Variants in CR1 observed in about 807,000 individuals in gnomAD.
CR1 encodes the protein complement receptor type 1.
Under a neutral mutation model 187.3 loss-of-function variants are expected in CR1, and 116 were observed. That is an observed-to-expected ratio of 0.62 (90% confidence interval 0.53 to 0.72). The LOEUF is 0.72. Among genes scored for constraint, CR1 ranks in the 30% least tolerant of loss-of-function variants. The pLI is 0.00. For synonymous variants in CR1, 576 were observed against 747.1 expected (o/e 0.77, Z 3.73); for missense variants, 1,731 against 2,110.7 (o/e 0.82, Z 3.52).
At chr1:207,507,197 C>T in intron 3 of CR1, 2 of 168,218 alleles carry the variant, frequency 1.2e-5, no homozygotes, top group Non-Finnish European at 2.5e-5. Flanking sequence ...AAGTAGTTTG[C>T]TAGGGCTGCT....
chr1:207,590,930 C>G (rs191405506), intron 35 of CR1, among the ~76,000 whole-genome samples: 1 of 152,182 alleles, frequency 6.6e-6, no homozygotes, highest in African/African-American at 2.4e-5. Flanking sequence ...GCACCCAATA[C>G]AGGAGCACCC....
intron 23 of CR1, 53 bp downstream of exon 23, chr1:207,564,287 A>G: frequency 6.3e-7 from 1 of 1,594,866 alleles, no homozygotes. Flanking sequence ...GTTGGGAATC[A>G]GTCTAAAAAG....
In CR1 at chr1:207,609,742, G is replaced by A. The variant is rs1000527305; in HGVS notation, c.6295+54G>A. 5 of 1,471,254 alleles carry A rather than the reference G, an allele frequency of 3.4e-6. No individual in the cohort carries two copies. In the African/African-American group the frequency reaches 5.7e-5, roughly 17 times the overall value. 91.1% of individuals were successfully genotyped at this position (1,471,254 alleles called of 1,614,324 possible). ...GGTGTGAGGGTACGTATAGATGATA[G>A]GAGTTGTTGAAATTAAGGAAGAAGT... On this transcript the variant is annotated intron_variant, in intron 37 of 46. Transcript: ENST00000367049.
chr1:207,631,413 C>G (rs1662642674), intron 46 of CR1, among the ~76,000 whole-genome samples: 2 of 152,176 alleles, frequency 1.3e-5, no homozygotes, highest in Admixed American at 1.3e-4. Flanking sequence ...TATACTACAA[C>G]AGCAGAGCTG....
chr1:207,518,610 G>A (rs1659876475), intron 4 of CR1, among the ~76,000 whole-genome samples: 1 of 152,180 alleles, frequency 6.6e-6, no homozygotes, highest in Non-Finnish European at 1.5e-5. Context: ...GCTGTTCTGT[G>A]CCTCTCTCCA....
chr1:207,578,868 A>G, intron 29 of CR1, among the ~76,000 whole-genome samples: 1 of 152,166 alleles, frequency 6.6e-6, no homozygotes, highest in East Asian at 1.9e-4. Context: ...ATTTTATTTT[A>G]TTTAAAAACT....
chr1:207,574,444 A>G (rs1355299868), intron 27 of CR1, among the ~76,000 whole-genome samples: 1 of 152,230 alleles, frequency 6.6e-6, no homozygotes, highest in South Asian at 2.1e-4. Context: ...TAAGAAAGAC[A>G]CAAAAATTGT....
At chr1:207,597,363 A>G (rs1661478874) in intron 35 of CR1, among the ~76,000 whole-genome samples, 1 of 152,210 alleles carries the variant, frequency 6.6e-6, no homozygotes. Context: ...AGAATAAAAT[A>G]CTTAGGAATC....
chr1:207,612,591 C>T (rs1245058901), intron 39 of CR1, among the ~76,000 whole-genome samples: 1 of 152,252 alleles, frequency 6.6e-6, no homozygotes, highest in Non-Finnish European at 1.5e-5. Flanking sequence ...AGCAATGCCC[C>T]TGCCCAGGCC....
At chr1:207,621,927 T>C (rs958626736) in intron 43 of CR1, 46 bp from the exon 44 acceptor site, 3 of 1,527,406 alleles carry the variant, frequency 2.0e-6, no homozygotes, top group South Asian at 1.2e-5. Context: ...TGTTCAATCA[T>C]GTTGCATGCC....
Position 207,609,615 on chromosome 1 carries a change from C to T in CR1, c.6222C>T (p.Val2074=), listed in dbSNP as rs1661856859. The T allele has an allele frequency of 6.2e-7, 1 of 1,611,646 alleles. No individual in the cohort carries two copies. The highest frequency in any genetic ancestry group is 8.5e-7 in the Non-Finnish European group (1 of 1,178,880). ...IIRFRCQPGF[V]MVGSHTVQCQ... ...GATTTAGATGTCAGCCCGGGTTTGT[C>T]ATGGTAGGGTCCCACACTGTGCAGT... is the stretch of plus-strand genomic sequence containing the variant. The change falls in exon 37 of 47, where the codon GTC becomes GTT. Residue 2074 remains valine (V), a synonymous_variant. Coordinates refer to ENST00000367049, the MANE Select transcript of CR1 (RefSeq NM_000651.6).
chr1:207,567,399 A>G (rs1660534955), intron 24 of CR1, among the ~76,000 whole-genome samples: 2 of 150,254 alleles, frequency 1.3e-5, no homozygotes, highest in South Asian at 4.2e-4. Flanking sequence ...TGATTAGCAC[A>G]CATATATACA....
chr1:207,517,232 T>A (rs1018410727), intron 4 of CR1, among the ~76,000 whole-genome samples: 4 of 152,136 alleles, frequency 2.6e-5, no homozygotes, highest in African/African-American at 9.6e-5. Flanking sequence ...AATAAACCTA[T>A]GTTGCTTGTG....
intron 5 of CR1, among the ~76,000 whole-genome samples, chr1:207,525,907 G>A (rs908657915): frequency 6.6e-6 from 1 of 152,018 alleles, no homozygotes; most frequent in Non-Finnish European, 1.5e-5. Flanking sequence ...TGATGCTTGA[G>A]AAAGCTGAAG....
At chr1:207,617,731 C>T (rs1662191809) in intron 41 of CR1, among the ~76,000 whole-genome samples, 1 of 149,352 alleles carries the variant, frequency 6.7e-6, no homozygotes, top group Non-Finnish European at 1.5e-5. Context: ...CAGTACCTGA[C>T]AACTGTAGGC....
intron 35 of CR1, among the ~76,000 whole-genome samples, chr1:207,604,078 T>G (rs1262517986): frequency 2.0e-5 from 3 of 152,220 alleles, no homozygotes; most frequent in Non-Finnish European, 4.4e-5. Context: ...CTGCTAGGTT[T>G]TGTCAATTTG....
At chr1:207,625,583 T>C (rs777718816) in intron 45 of CR1, among the ~76,000 whole-genome samples, 8 of 152,264 alleles carry the variant, frequency 5.3e-5, no homozygotes, top group Non-Finnish European at 8.8e-5. Context: ...GATGAATTAA[T>C]ACAAGGCCAG....
chr1:207,565,808 C>A, intron 23 of CR1, 30 bp from the exon 24 acceptor site: 1 of 1,610,056 alleles, frequency 6.2e-7, no homozygotes, highest in Non-Finnish European at 8.5e-7. Flanking sequence ...GCTGAAACAG[C>A]TCACTATTCA....
chr1:207,589,813 T>C (rs938932882), intron 35 of CR1, among the ~76,000 whole-genome samples: 1 of 152,074 alleles, frequency 6.6e-6, no homozygotes, highest in Non-Finnish European at 1.5e-5. Context: ...AAGAACTTCA[T>C]GAAGCATACA....
Sources: allele counts gnomAD v4.1 joint callset (sites outside exome capture counted in the v4.1 genomes callset), GRCh38; gene constraint gnomAD v4.1.1; transcripts MANE v1.5; gene names NCBI Gene and HGNC (gene_info 2026-07-23, HGNC 2026-07-21).